Variants in ANKRD28 observed in about 807,000 individuals in gnomAD.
ANKRD28 encodes serine/threonine-protein phosphatase 6 regulatory ankyrin repeat subunit A.
A neutral mutation model predicts 126.5 loss-of-function variants in ANKRD28; 44 were observed. That is an observed-to-expected ratio of 0.35 (90% CI 0.27 to 0.45). ANKRD28 has a LOEUF of 0.45. Ranked by LOEUF, ANKRD28 falls within the 20% of genes least tolerant of loss-of-function variation. The pLI, the probability that ANKRD28 is intolerant of heterozygous loss-of-function variation, is 1.00. For synonymous variants in ANKRD28, 442 were observed against 468.5 expected (o/e 0.94, Z 0.73); for missense variants, 1,110 against 1,316.6 (o/e 0.84, Z 2.43).
rs907292240 is a variant in ANKRD28, at chr3:15,816,081, T to C, written c.28-20775A>G. Among the ~76,000 whole-genome samples the C allele has an allele frequency of 1.3e-5, 2 of 152,178 alleles. No individual in the cohort carries two copies. Among genetic ancestry groups the C allele is most frequent in the African/African-American group, 4.8e-5 (2 of 41,454 alleles). On this transcript the variant is annotated intron_variant, in intron 1 of 27. Transcript: ENST00000399451. The surrounding 1 kb of genome is among the most constrained non-coding windows in gnomAD (Gnocchi z 5.0). Reference sequence around the variant, plus strand: ...ATATCACGAGCGTATTTCTGACTGATTGAAAACCGCCTTCTGTTACTATGG... The same window carrying C: ...ATATCACGAGCGTATTTCTGACTGACTGAAAACCGCCTTCTGTTACTATGG...
intron 1 of ANKRD28, among the ~76,000 whole-genome samples, chr3:15,842,920 T>C (rs1015701813): frequency 2.6e-5 from 4 of 152,242 alleles, no homozygotes; most frequent in African/African-American, 9.6e-5. Flanking sequence ...TATACTGTTA[T>C]ATATAGCACA....
chr3:15,735,261 AC>A (rs2074940300), intron 6 of ANKRD28, 148 bp downstream of exon 6: 1 of 557,586 alleles, frequency 1.8e-6, no homozygotes, highest in Admixed American at 3.4e-5. Flanking sequence ...CTCCCCCATT[AC>A]CAGGGTTGTT....
chr3:15,787,485 T>C (rs1285331989), intron 2 of ANKRD28, among the ~76,000 whole-genome samples: 1 of 152,180 alleles, frequency 6.6e-6, no homozygotes, highest in African/African-American at 2.4e-5. Flanking sequence ...TCTTCTCCCA[T>C]GCCTGCCCCC....
intron 1 of ANKRD28, chr3:15,859,294 G>T: frequency 6.7e-7 from 1 of 1,493,764 alleles, no homozygotes; most frequent in Non-Finnish European, 8.9e-7. Context: ...CCGAGCGGGC[G>T]TCCCAGCGGC....
In ANKRD28 at chr3:15,690,094, C is replaced by T; in HGVS notation, c.1888G>A (p.Asp630Asn). 1 of 1,612,204 alleles carries T rather than the reference C, an allele frequency of 6.2e-7. No individual in the cohort carries two copies. The highest frequency in any genetic ancestry group is 8.5e-7 in the Non-Finnish European group (1 of 1,179,080). The change falls in exon 18 of 28, where the codon GAT becomes AAT. Residue 630 changes from aspartate to asparagine, a missense_variant. By Grantham distance (23) the Asp-to-Asn change is conservative (BLOSUM62 1). Coordinates refer to ENST00000683139, the MANE Select transcript of ANKRD28 (RefSeq NM_001349278.2). ...AAFKGHVECVDVLINQGASIL... is the reference protein window; with the variant it reads ...AAFKGHVECVNVLINQGASIL... ...GAGGCTCCCTGATTAATGAGTACAT[C>T]CACACATTCAACATGGCCCTTAAAA...
chr3:15,825,422 T>C (rs2061040253), intron 1 of ANKRD28, among the ~76,000 whole-genome samples: 1 of 152,118 alleles, frequency 6.6e-6, no homozygotes, highest in South Asian at 2.1e-4. Context: ...TTTTAAAAAT[T>C]TATATGGAAG....
intron 2 of ANKRD28, among the ~76,000 whole-genome samples, chr3:15,790,389 TCAACAAAATACTAGCA>T (rs962741031): frequency 2.0e-5 from 3 of 152,162 alleles, no homozygotes; most frequent in African/African-American, 7.2e-5. Flanking sequence ...GCAGAAATCC[TCAACAAAATACTAGCA>T]CAACTGAATT....
intron 1 of ANKRD28, among the ~76,000 whole-genome samples, chr3:15,805,459 G>C (rs1014595301): frequency 2.6e-5 from 4 of 152,008 alleles, no homozygotes; most frequent in African/African-American, 4.8e-5. Flanking sequence ...TTTTAGCTAA[G>C]ATATGTGATG....
At chr3:15,832,197 AAATAG>A (rs2061218473) in intron 1 of ANKRD28, among the ~76,000 whole-genome samples, 1 of 152,230 alleles carries the variant, frequency 6.6e-6, no homozygotes, top group African/African-American at 2.4e-5. Flanking sequence ...ACAGGGAAAT[AAATAG>A]AATAAAGGAA....
In ANKRD28 at chr3:15,771,270, C is replaced by T. The variant is rs906383111; in HGVS notation, c.202-4958G>A. 2.0e-4 allele frequency among the ~76,000 whole-genome samples: 31 copies of T among 152,082 alleles called. 5 individuals are homozygous for T. The highest frequency in any genetic ancestry group is 8.5e-4 in the Admixed American group (13 of 15,276). ...ACTAAAAATACAAAAATTAGCCAGG[C>T]GTGGTGGCGGGCACCTGTAATCCCA... is the stretch of plus-strand genomic sequence containing the variant. On this transcript the variant is annotated intron_variant, in intron 2 of 27. Transcript: ENST00000683139.
chr3:15,811,746 C>T (rs1685038586), intron 1 of ANKRD28, among the ~76,000 whole-genome samples: 1 of 151,572 alleles, frequency 6.6e-6, no homozygotes, highest in Non-Finnish European at 1.5e-5. Context: ...AGCCACTGCG[C>T]CTGGCCAGGG....
intron 10 of ANKRD28, 62 bp downstream of exon 10, chr3:15,713,465 C>G: frequency 7.9e-7 from 1 of 1,258,440 alleles, no homozygotes; most frequent in South Asian, 1.3e-5. Context: ...GTCTAGAAAA[C>G]TGCAGTTCAC....
rs2067982221 is a variant in ANKRD28, at chr3:15,685,283, TTGCATCCATAGATGC to T, written c.2317_2331del (p.Ala773_Ala777del). The stretch of plus-strand genomic sequence containing the variant: ...CCATGATTGTCTGCTGTGGCTGGAT[TTGCATCCATAGATGC>T]TGCTGACTGCAAAAGGGCTCCAAGA... On this transcript the variant is annotated inframe_deletion, in exon 21 of 28. Transcript: ENST00000683139. 1.2e-6 allele frequency: 2 copies of T among 1,614,008 alleles called. No individual in the cohort carries two copies. The highest frequency in any genetic ancestry group is 8.5e-7 in the Non-Finnish European group (1 of 1,179,888).
At chr3:15,824,885 A>C (rs114122572) in intron 1 of ANKRD28, among the ~76,000 whole-genome samples, 250 of 152,342 alleles carry the variant, frequency 1.6e-3, no homozygotes, top group Non-Finnish European at 1.9e-3. Flanking sequence ...GACTGGTAGA[A>C]ATATACATTG....
intron 6 of ANKRD28, among the ~76,000 whole-genome samples, chr3:15,734,976 A>C (rs923659310): frequency 6.6e-6 from 1 of 152,158 alleles, no homozygotes; most frequent in Non-Finnish European, 1.5e-5. Flanking sequence ...TCCAAGCCCC[A>C]GTTTCTTTCT....
chr3:15,767,758 G>GGTGCCT (rs1167305041), intron 2 of ANKRD28, among the ~76,000 whole-genome samples: 1 of 144,480 alleles, frequency 6.9e-6, no homozygotes, highest in Non-Finnish European at 1.5e-5. Context: ...CGTGGTGGCG[G>GGTGCCT]GTGCCTGTAG....
chr3:15,694,416 G>A (rs545282145), intron 17 of ANKRD28, among the ~76,000 whole-genome samples: 3 of 151,988 alleles, frequency 2.0e-5, no homozygotes, highest in Admixed American at 6.6e-5. Flanking sequence ...ATTCCACTAG[G>A]GCAGCACATT....
chr3:15,840,315 C>T (rs568677681), intron 1 of ANKRD28, among the ~76,000 whole-genome samples: 1 of 151,820 alleles, frequency 6.6e-6, no homozygotes, highest in South Asian at 2.1e-4. Flanking sequence ...AATAAAATAC[C>T]AGGAATTAAC....
At chr3:15,690,256 A>G in intron 17 of ANKRD28, 36 bp from the exon 18 acceptor site, 1 of 1,471,588 alleles carries the variant, frequency 6.8e-7, no homozygotes. Flanking sequence ...TAAAACATAC[A>G]TATTTAGACT....
Sources: gnomAD v4.1 joint callset for allele counts (sites outside exome capture counted in the v4.1 genomes callset) on GRCh38, gnomAD v4.1.1 for gene constraint, Gnocchi (gnomAD v3.1) non-coding constraint, MANE v1.5 for transcripts, NCBI Gene and HGNC (gene_info 2026-07-23, HGNC 2026-07-21) for gene names.